Variants in CNGB1 observed in about 807,000 individuals in gnomAD.
CNGB1 encodes the protein cyclic nucleotide gated channel subunit beta 1, also known as cyclic nucleotide-gated channel beta-1.
In CNGB1, 126 loss-of-function variants were observed where a neutral mutation model predicts 151.7. That is an observed-to-expected ratio of 0.83 (90% CI 0.72 to 0.96). The LOEUF (loss-of-function observed/expected upper bound fraction) is 0.96. CNGB1 is among the 40% of genes least tolerant of loss of function. CNGB1 has a pLI of 0.00. For synonymous variants in CNGB1, 623 were observed against 635.1 expected (o/e 0.98, Z 0.29); for missense variants, 1,698 against 1,627.0 (o/e 1.04, Z -0.75).
In CNGB1 at chr16:57,904,918, C is replaced by T. The variant is rs369524960; in HGVS notation, c.2493-43G>A. The T allele has an allele frequency of 6.2e-5, 100 of 1,613,364 alleles. 1 individual carries two copies. Among genetic ancestry groups the T allele is most frequent in the African/African-American group, 2.4e-4 (18 of 74,920 alleles). Reference sequence around the variant, plus strand: ...AGGGAACATGGGTCATCACAGGCCCCACTCTGCCGCCCCGAGCAGTCTGGC... The same window carrying T: ...AGGGAACATGGGTCATCACAGGCCCTACTCTGCCGCCCCGAGCAGTCTGGC... On this transcript the variant is annotated intron_variant, in intron 25 of 32. Transcript: ENST00000251102.
chr16:57,951,612 A>G (rs1448091723), intron 12 of CNGB1, among the ~76,000 whole-genome samples: 2 of 152,224 alleles, frequency 1.3e-5, no homozygotes, highest in African/African-American at 4.8e-5. Context: ...AACAACAATA[A>G]TAGTAACAGC....
At chr16:57,920,611 G>A in intron 18 of CNGB1, 67 bp from the exon 19 acceptor site, 1 of 1,587,166 alleles carries the variant, frequency 6.3e-7, no homozygotes, top group Non-Finnish European at 8.6e-7. Flanking sequence ...CCAGGCCAGA[G>A]CTGTGCAGCG....
At chr16:57,928,009 A>G (rs1353045942) in intron 17 of CNGB1, among the ~76,000 whole-genome samples, 1 of 152,220 alleles carries the variant, frequency 6.6e-6, no homozygotes, top group African/African-American at 2.4e-5. Context: ...TTCTGACCTC[A>G]GCTGAGCAAT....
At chr16:57,916,663 C>T (rs1477328114) in intron 21 of CNGB1, among the ~76,000 whole-genome samples, 3 of 152,192 alleles carry the variant, frequency 2.0e-5, no homozygotes, top group African/African-American at 7.2e-5. Context: ...CACTGGGAGA[C>T]AGGGACTGTG....
chr16:57,949,807 C>T (rs152142), intron 13 of CNGB1, among the ~76,000 whole-genome samples: 56,189 of 152,072 alleles, frequency 0.37, 12,461 homozygotes, highest in Non-Finnish European at 0.49. Context: ...CTGTGGAAGG[C>T]GACTTGGCAA....
intron 1 of CNGB1, among the ~76,000 whole-genome samples, chr16:57,970,479 A>C (rs1197714841): frequency 6.6e-6 from 1 of 152,148 alleles, no homozygotes; most frequent in Non-Finnish European, 1.5e-5. Context: ...TTGAGTTTAC[A>C]CTCAGGTCTG....
intron 12 of CNGB1, among the ~76,000 whole-genome samples, chr16:57,956,128 A>C (rs1284238392): frequency 6.6e-6 from 1 of 152,176 alleles, no homozygotes; most frequent in Non-Finnish European, 1.5e-5. Context: ...CTGATGCTCC[A>C]TCCTCAGATG....
chr16:57,888,913 A>C (rs1442883430), intron 31 of CNGB1, among the ~76,000 whole-genome samples: 2 of 151,968 alleles, frequency 1.3e-5, no homozygotes, highest in African/African-American at 4.8e-5. Context: ...AATTATCAGC[A>C]TTTACTGAGT....
intron 24 of CNGB1, 23 bp downstream of exon 24, chr16:57,912,907 T>A: frequency 1.2e-6 from 2 of 1,610,338 alleles, no homozygotes; most frequent in Middle Eastern, 1.7e-4. Flanking sequence ...TGTGCATGCA[T>A]GCACATGCAG....
chr16:57,933,288 T>A (rs1108645), intron 16 of CNGB1, among the ~76,000 whole-genome samples: 33 of 152,204 alleles, frequency 2.2e-4, no homozygotes, highest in African/African-American at 6.5e-4. Context: ...CAATCAAGGG[T>A]AACAGACTGT....
At position 57,883,900 on chromosome 16, in the gene CNGB1, A is replaced by C. The variant is rs1369634786; in HGVS notation, c.*264T>G. ...TCTTAAAAAGAGGAACAGTCAGGAA[A>C]AGGTAGGGCTCTCAAATGATAGTGA... On this transcript the variant is annotated 3_prime_UTR_variant, in exon 33 of 33. Coordinates refer to ENST00000251102, the MANE Select transcript of CNGB1 (RefSeq NM_001297.5). 2.6e-5 allele frequency: 15 copies of C among 580,280 alleles called. No homozygotes were observed. Among genetic ancestry groups the C allele is most frequent in the African/African-American group, 3.7e-5 (2 of 53,340 alleles). The allele number at this position is 580,280 out of a possible 1,614,324, so 35.9% of individuals were successfully genotyped here.
At chr16:57,922,427 C>CT (rs202188548) in intron 18 of CNGB1, among the ~76,000 whole-genome samples, 2,946 of 141,812 alleles carry the variant, frequency 0.021, 138 homozygotes, top group African/African-American at 0.081. Flanking sequence ...TTCTTTCTTT[C>CT]TTTCTTTTTT....
intron 31 of CNGB1, among the ~76,000 whole-genome samples, chr16:57,896,912 A>G (rs1960245066): frequency 6.6e-6 from 1 of 152,176 alleles, no homozygotes; most frequent in South Asian, 2.1e-4. Context: ...GGAAAAGAAG[A>G]AAAGGTACAA....
intron 17 of CNGB1, among the ~76,000 whole-genome samples, chr16:57,925,071 C>T (rs1422376039): frequency 1.3e-5 from 2 of 152,108 alleles, no homozygotes; most frequent in African/African-American, 4.8e-5. Flanking sequence ...GGCACGATCT[C>T]GGCTCACTGC....
intron 9 of CNGB1, 116 bp downstream of exon 9, chr16:57,960,366 G>A (rs1048416536): frequency 3.3e-5 from 45 of 1,366,694 alleles, no homozygotes; most frequent in African/African-American, 2.7e-4. Flanking sequence ...CCTGAACCCC[G>A]TCCTAGTCTG....
chr16:57,933,714 CTTTTCTTTTCT>C (rs1365011923), intron 16 of CNGB1, among the ~76,000 whole-genome samples: 6 of 133,372 alleles, frequency 4.5e-5, no homozygotes, highest in Admixed American at 2.8e-4. Flanking sequence ...CTTTTTCTTT[CTTTTCTTTTCT>C]TTTTTTTTTT....
intron 16 of CNGB1, chr16:57,936,999 T>C (rs1433211305): frequency 2.0e-5 from 3 of 152,360 alleles, no homozygotes; most frequent in Non-Finnish European, 4.4e-5. Flanking sequence ...TGGTCCACAC[T>C]ATGACCACAG....
chr16:57,929,854 A>C (rs1007679338), intron 17 of CNGB1, among the ~76,000 whole-genome samples: 64 of 152,238 alleles, frequency 4.2e-4, no homozygotes, highest in Non-Finnish European at 1.2e-4. Flanking sequence ...GAGCCAAACC[A>C]TATAATCAGA....
At chr16:57,919,742 G>GA (rs1301163072) in intron 19 of CNGB1, among the ~76,000 whole-genome samples, 1 of 152,154 alleles carries the variant, frequency 6.6e-6, no homozygotes, top group Non-Finnish European at 1.5e-5. Flanking sequence ...GACCAGATGG[G>GA]ATCACAGCCT....
Sources: gnomAD v4.1 joint callset for allele counts (sites outside exome capture counted in the v4.1 genomes callset) on GRCh38, gnomAD v4.1.1 for gene constraint, MANE v1.5 for transcripts, NCBI Gene and HGNC (gene_info 2026-07-23, HGNC 2026-07-21) for gene names.